GRID1: variants seen among roughly 807,000 people sequenced by gnomAD.
The protein encoded by GRID1 is glutamate ionotropic receptor delta type subunit 1.
A neutral mutation model predicts 98.0 loss-of-function variants in GRID1; 28 were observed. The observed-to-expected ratio is 0.29, with a 90% CI of 0.21 to 0.39. The LOEUF is 0.39. Ranked by LOEUF, GRID1 falls within the 10% of genes least tolerant of loss-of-function variation. GRID1 has a pLI of 1.00. For synonymous variants in GRID1, 553 were observed against 538.5 expected (o/e 1.03, Z -0.37); for missense variants, 1,111 against 1,340.5 (o/e 0.83, Z 2.67).
intron 4 of GRID1, among the ~76,000 whole-genome samples, chr10:86,085,795 T>C (rs986016495): frequency 1.1e-4 from 16 of 152,058 alleles, no homozygotes; most frequent in African/African-American, 3.9e-4. Context: ...CCACAGCCCG[T>C]GGCATCAAAC....
At chr10:86,278,166 T>C (rs1042142734) in intron 2 of GRID1, among the ~76,000 whole-genome samples, 1 of 152,008 alleles carries the variant, frequency 6.6e-6, no homozygotes, top group Non-Finnish European at 1.5e-5. Flanking sequence ...AATGACTCAT[T>C]TTACATCCAA....
intron 4 of GRID1, among the ~76,000 whole-genome samples, chr10:86,036,504 G>C (rs538729603): frequency 1.3e-5 from 2 of 152,094 alleles, no homozygotes; most frequent in Non-Finnish European, 2.9e-5. Context: ...TGTTCACCTC[G>C]AGCCTGTCAC....
intron 8 of GRID1, among the ~76,000 whole-genome samples, chr10:85,776,761 C>T (rs1842335382): frequency 6.6e-6 from 1 of 152,218 alleles, no homozygotes; most frequent in Non-Finnish European, 1.5e-5. Flanking sequence ...AGGGCACTGG[C>T]TCTCTGAACT....
At chr10:85,669,459 G>A (rs374348688) in intron 12 of GRID1, among the ~76,000 whole-genome samples, 1 of 152,250 alleles carries the variant, frequency 6.6e-6, no homozygotes, top group East Asian at 1.9e-4. Flanking sequence ...ATGTGGACAA[G>A]TTGGCTGGGA....
At chr10:85,984,725 C>T (rs766785205) in intron 4 of GRID1, among the ~76,000 whole-genome samples, 1 of 152,108 alleles carries the variant, frequency 6.6e-6, no homozygotes, top group Non-Finnish European at 1.5e-5. Flanking sequence ...AGGGAGTGTC[C>T]TTCACAAGCA....
At chr10:85,996,033 A>G (rs895287668) in intron 4 of GRID1, among the ~76,000 whole-genome samples, 5 of 152,268 alleles carry the variant, frequency 3.3e-5, no homozygotes, top group African/African-American at 4.8e-5. Context: ...AATGCTTTCA[A>G]ACCTGAGCTG....
chr10:86,094,097 C>T (rs997215920), intron 4 of GRID1, among the ~76,000 whole-genome samples: 1 of 152,164 alleles, frequency 6.6e-6, no homozygotes, highest in Non-Finnish European at 1.5e-5. Context: ...ATAAAAATCA[C>T]ACAATCATCT....
rs73338523 is a variant in GRID1, at chr10:85,854,806, T to C, written c.1114-191A>G. On this transcript the variant is annotated intron_variant, in intron 7 of 15. Transcript: ENST00000327946. Reference sequence around the variant, plus strand: ...AGAGCAGGATCAGTACTTTCTAGGATATTTGCTTATGGGAGAAATCCCTAA... The same window carrying C: ...AGAGCAGGATCAGTACTTTCTAGGACATTTGCTTATGGGAGAAATCCCTAA... Among the ~76,000 whole-genome samples the C allele has an allele frequency of 5.5e-3, 845 of 152,318 alleles. 6 individuals carry two copies. Among genetic ancestry groups the C allele is most frequent in the African/African-American group, 0.019 (797 of 41,570 alleles).
chr10:86,310,604 C>T (rs1564735500), intron 2 of GRID1, among the ~76,000 whole-genome samples: 1 of 152,174 alleles, frequency 6.6e-6, no homozygotes, highest in Non-Finnish European at 1.5e-5. Context: ...CATATATCTA[C>T]CTGGTCTCCA....
intron 12 of GRID1, among the ~76,000 whole-genome samples, chr10:85,707,358 T>G (rs1181678375): frequency 2.0e-5 from 3 of 151,840 alleles, no homozygotes; most frequent in Non-Finnish European, 4.4e-5. Flanking sequence ...AACAGACACA[T>G]GAAAAAATGC....
chr10:85,832,324 A>G (rs1463275927), intron 8 of GRID1, among the ~76,000 whole-genome samples: 1 of 152,148 alleles, frequency 6.6e-6, no homozygotes, highest in Non-Finnish European at 1.5e-5. Flanking sequence ...CCAGCATTCA[A>G]TAGTCTTAAT....
intron 4 of GRID1, among the ~76,000 whole-genome samples, chr10:86,006,588 A>T (rs568121238): frequency 2.6e-5 from 4 of 152,120 alleles, no homozygotes; most frequent in Non-Finnish European, 5.9e-5. Flanking sequence ...ACTGCACTCC[A>T]GCCTGGCGAC....
At chr10:85,894,865 C>A (rs1162495826) in intron 5 of GRID1, among the ~76,000 whole-genome samples, 2 of 151,260 alleles carry the variant, frequency 1.3e-5, no homozygotes, top group African/African-American at 4.8e-5. Flanking sequence ...AAAATTAGCC[C>A]GGCATGGTGG....
chr10:86,142,982 T>C (rs1845031258), intron 3 of GRID1, among the ~76,000 whole-genome samples: 2 of 152,194 alleles, frequency 1.3e-5, no homozygotes, highest in African/African-American at 4.8e-5. Context: ...CCCTCAGAGC[T>C]CCTCTGCACC....
At chr10:86,350,018 G>T (rs1030120477) in intron 2 of GRID1, among the ~76,000 whole-genome samples, 2 of 152,244 alleles carry the variant, frequency 1.3e-5, no homozygotes, top group Admixed American at 1.3e-4. Flanking sequence ...CTCTGAGGAG[G>T]TAAGATCAGA....
At chr10:86,127,060 G>C (rs1049753697) in intron 4 of GRID1, among the ~76,000 whole-genome samples, 2 of 152,256 alleles carry the variant, frequency 1.3e-5, no homozygotes, top group African/African-American at 4.8e-5. Flanking sequence ...GTGGTAGCCT[G>C]GATGGGATGG....
intron 3 of GRID1, among the ~76,000 whole-genome samples, chr10:86,179,307 C>T (rs577650182): frequency 8.1e-4 from 124 of 152,154 alleles, no homozygotes; most frequent in Admixed American, 1.2e-3. Flanking sequence ...CCTCCTCCCT[C>T]TTCCCCTCCC....
intron 4 of GRID1, among the ~76,000 whole-genome samples, chr10:85,921,365 G>T (rs566833230): frequency 6.6e-6 from 1 of 152,334 alleles, no homozygotes; most frequent in East Asian, 1.9e-4. Flanking sequence ...CTGTGGAAGG[G>T]AATGTGTCTC....
Position 85,738,436 on chromosome 10 carries a change from C to T in GRID1, c.1234-8822G>A, listed in dbSNP as rs188584531. Among the ~76,000 whole-genome samples the T allele has an allele frequency of 3.5e-3, 528 of 152,298 alleles. 3 individuals carry two copies. Among genetic ancestry groups the T allele is most frequent in the Non-Finnish European group, 5.0e-3 (341 of 68,020 alleles). ...AAATCTGCAGCCACATTGGAAGACACTTCGGCAATTTCCTATAAAGTTAAA... is the reference window on the plus strand; with the variant it reads ...AAATCTGCAGCCACATTGGAAGACATTTCGGCAATTTCCTATAAAGTTAAA... On this transcript the variant is annotated intron_variant, in intron 8 of 15. Transcript: ENST00000327946.
Sources: allele counts gnomAD v4.1 joint callset (sites outside exome capture counted in the v4.1 genomes callset), GRCh38; gene constraint gnomAD v4.1.1; transcripts MANE v1.5; gene names NCBI Gene and HGNC (gene_info 2026-07-23, HGNC 2026-07-21).